Variants in ABCC9 observed in about 807,000 individuals in gnomAD.
ABCC9 encodes the protein ATP binding cassette subfamily C member 9.
A neutral mutation model predicts 188.3 loss-of-function variants in ABCC9; 95 were observed. That is an observed-to-expected ratio of 0.50 (90% CI 0.43 to 0.60). The LOEUF (loss-of-function observed/expected upper bound fraction) is 0.60, where lower values mean the gene tolerates loss of function less well. Among genes scored for constraint, ABCC9 ranks in the 20% least tolerant of loss-of-function variants. The pLI, the probability that ABCC9 is intolerant of heterozygous loss-of-function variation, is 0.00. For synonymous variants in ABCC9, 659 were observed against 652.7 expected, an observed-to-expected ratio of 1.01 and a Z score of -0.15; for missense variants, 1,102 against 1,876.3, an observed-to-expected ratio of 0.59 and a Z score of 7.62.
chr12:21,880,427 T>C (rs1946565921), intron 16 of ABCC9, among the ~76,000 whole-genome samples: 1 of 152,072 alleles, frequency 6.6e-6, no homozygotes, highest in African/African-American at 2.4e-5. Context: ...TTCTGTTCAA[T>C]GAAAGATATC....
intron 22 of ABCC9, among the ~76,000 whole-genome samples, chr12:21,853,396 A>G (rs926405972): frequency 6.6e-6 from 1 of 152,170 alleles, no homozygotes; most frequent in Non-Finnish European, 1.5e-5. Flanking sequence ...TATTTTCAGA[A>G]TTAAATGAGT....
At position 21,801,123 on chromosome 12, in the gene ABCC9, A is replaced by C. The variant is rs755718495; in HGVS notation, c.4571T>G (p.Ile1524Ser). 1 of 1,614,042 alleles carries C rather than the reference A, an allele frequency of 6.2e-7. No homozygotes were observed. The highest frequency in any genetic ancestry group is 8.5e-7 in the Non-Finnish European group (1 of 1,179,924). Residue 1524 changes from isoleucine (I) to serine (S), a missense_variant, in exon 40 of 40, where the codon ATT becomes AGT. Physicochemically the swap from Ile to Ser is moderately radical, Grantham distance 142. Around this residue, in one of 12 missense-constraint regions of ABCC9, gnomAD observed 30 missense variants for 34.3 expected, o/e 0.87. Transcript: ENST00000261200. ...DLVIVMKRGN[I>S]LEYDTPESLL... ...GCTTTCTGGAGTGTCATATTCTAAA[A>C]TATTTCCTCGCTTCATCACAATAAC...
In ABCC9 at chr12:21,880,718, A is replaced by AT. The variant is rs558718558; in HGVS notation, c.2019+2047dup. 2.6e-3 allele frequency among the ~76,000 whole-genome samples: 402 copies of AT among 152,192 alleles called. 2 individuals are homozygous for AT. Among genetic ancestry groups the AT allele is most frequent in the African/African-American group, 8.9e-3 (368 of 41,536 alleles). On this transcript the variant is annotated intron_variant, in intron 16 of 39. Transcript: ENST00000261200. ...AACACGTGGCAAAAAAATGAGAAGCATTTTTTTGGTGAAGATGTAGAGCAA... is the reference window on the plus strand; with the variant it reads ...AACACGTGGCAAAAAAATGAGAAGCATTTTTTTTGGTGAAGATGTAGAGCAA...
intron 5 of ABCC9, among the ~76,000 whole-genome samples, chr12:21,919,122 C>A (rs1398267731): frequency 6.6e-6 from 1 of 151,696 alleles, no homozygotes; most frequent in East Asian, 1.9e-4. Context: ...AACTGCATAG[C>A]TACCTTTAAA....
At chr12:21,837,329 A>G (rs760139161) in intron 30 of ABCC9, among the ~76,000 whole-genome samples, 7 of 152,206 alleles carry the variant, frequency 4.6e-5, no homozygotes, top group African/African-American at 7.2e-5. Flanking sequence ...TTGTCTCTCT[A>G]TATTCTACTC....
At chr12:21,927,048 C>T (rs949516422) in intron 4 of ABCC9, among the ~76,000 whole-genome samples, 2 of 151,998 alleles carry the variant, frequency 1.3e-5, no homozygotes, top group African/African-American at 4.8e-5. Flanking sequence ...GTATGGTTGA[C>T]AATGGGAACT....
intron 39 of ABCC9, among the ~76,000 whole-genome samples, chr12:21,802,617 G>A (rs1489192998): frequency 2.0e-5 from 3 of 152,040 alleles, no homozygotes; most frequent in Non-Finnish European, 2.9e-5. Flanking sequence ...TTCTCAATTC[G>A]AACTATCAAC....
At chr12:21,845,979 A>G in intron 25 of ABCC9, 147 bp from the exon 26 acceptor site, 1 of 674,770 alleles carries the variant, frequency 1.5e-6, no homozygotes, top group Non-Finnish European at 2.6e-6. Flanking sequence ...AGTAGGGCAA[A>G]CCTTATTTCT....
At chr12:21,923,948 A>G in intron 5 of ABCC9, 8 of 626,526 alleles carry the variant, frequency 1.3e-5, no homozygotes, top group South Asian at 1.1e-4. Flanking sequence ...ATATTGATCT[A>G]TGCTACATTA....
chr12:21,805,451 G>A (rs1430540568), intron 39 of ABCC9: 2 of 756,420 alleles, frequency 2.6e-6, no homozygotes, highest in Non-Finnish European at 4.4e-6. Context: ...AGAAAACTGT[G>A]GACTACTGTA....
chr12:21,845,613 T>G lies in ABCC9; in HGVS notation c.3086A>C (p.Lys1029Thr). 6.2e-7 allele frequency: 1 copy of G among 1,613,310 alleles called. No individual in the cohort carries two copies. Among genetic ancestry groups the G allele is most frequent in the Non-Finnish European group, 8.5e-7 (1 of 1,179,454 alleles). Residue 1029 changes from lysine to threonine, a missense_variant, in exon 26 of 40, where the codon AAA becomes ACA. This residue lies in a region of ABCC9 where 74 missense variants were observed against 132.7 expected (regional missense o/e 0.56). Transcript: ENST00000261200. ...CCGAACCAATTGTACCTGATCAGCTTTTCCAGTATTGTTTATACTGTACTC... is the reference window on the plus strand; with the variant it reads ...CCGAACCAATTGTACCTGATCAGCTGTTCCAGTATTGTTTATACTGTACTC... ...TSEYSINNTG[K>T]ADQTYYVAGF...
intron 13 of ABCC9, 114 bp downstream of exon 13, chr12:21,895,161 G>A (rs1230602692): frequency 4.5e-6 from 4 of 891,594 alleles, no homozygotes; most frequent in Non-Finnish European, 5.5e-6. Context: ...GACTGCCATA[G>A]AGAGAAGTCA....
At chr12:21,801,531 A>G (rs369568948) in intron 39 of ABCC9, among the ~76,000 whole-genome samples, 39 of 152,322 alleles carry the variant, frequency 2.6e-4, no homozygotes, top group South Asian at 2.1e-3. Context: ...GTTATACTTT[A>G]ATGTCAACAA....
At chr12:21,919,716 T>C (rs1176107226) in intron 5 of ABCC9, among the ~76,000 whole-genome samples, 1 of 151,994 alleles carries the variant, frequency 6.6e-6, no homozygotes, top group East Asian at 1.9e-4. Context: ...AAATTAACCT[T>C]ATACAAAGTC....
At chr12:21,885,316 A>C (rs1188689879) in intron 15 of ABCC9, among the ~76,000 whole-genome samples, 1 of 152,192 alleles carries the variant, frequency 6.6e-6, no homozygotes, top group Admixed American at 6.5e-5. Flanking sequence ...ATGACCCTGA[A>C]AGACATCAAG....
At position 21,915,783 on chromosome 12, in the gene ABCC9, A is replaced by C; in HGVS notation, c.701T>G (p.Leu234Arg). The C allele has an allele frequency of 6.2e-7, 1 of 1,613,484 alleles. No individual in the cohort carries two copies. Among genetic ancestry groups the C allele is most frequent in the Non-Finnish European group, 8.5e-7 (1 of 1,179,824 alleles). ...AGGCTTTTTGTGAGCAGATATAATAAGTGTGTTCATCCACCAGTATGTTGC... is the reference window on the plus strand; with the variant it reads ...AGGCTTTTTGTGAGCAGATATAATACGTGTGTTCATCCACCAGTATGTTGC... ...SKATYWWMNT[L>R]IISAHKKPID... Residue 234 changes from leucine (L) to arginine (R), a missense_variant, in exon 7 of 40, where the codon CTT (leucine) becomes CGT (arginine). Coordinates refer to ENST00000261200, the MANE Select transcript of ABCC9 (RefSeq NM_020297.4).
At chr12:21,854,381 A>T (rs934891629) in intron 22 of ABCC9, among the ~76,000 whole-genome samples, 1 of 152,210 alleles carries the variant, frequency 6.6e-6, no homozygotes. Context: ...AAGCATTTTG[A>T]TAGTTAAAGG....
At position 21,845,638 on chromosome 12, in the gene ABCC9, C is replaced by T. The variant is rs749668601; in HGVS notation, c.3061G>A (p.Glu1021Lys). ...TTTCCAGTATTGTTTATACTGTACT[C>T]CGATGTCCATGTGGCCAGCCAATAG... ...IDYWLATWTSEYSINNTGKAD... is the reference protein window; with the variant it reads ...IDYWLATWTSKYSINNTGKAD... The change falls in exon 26 of 40, where the codon GAG becomes AAG. Residue 1021 changes from glutamate (E) to lysine (K), a missense_variant. Coordinates refer to ENST00000261200, the MANE Select transcript of ABCC9 (RefSeq NM_020297.4). The T allele has an allele frequency of 1.6e-5, 26 of 1,613,620 alleles. No individual in the cohort carries two copies. The Admixed American group carries it at 1.7e-4, about 10-fold the overall frequency.
At chr12:21,892,231 C>A (rs995429075) in intron 14 of ABCC9, among the ~76,000 whole-genome samples, 7 of 151,964 alleles carry the variant, frequency 4.6e-5, no homozygotes, top group African/African-American at 1.7e-4. Context: ...GAATTGTATA[C>A]CATGGATTGG....
Sources: gnomAD v4.1 joint callset for allele counts (sites outside exome capture counted in the v4.1 genomes callset) on GRCh38, gnomAD v4.1.1 for gene constraint, gnomAD v4.1.1 regional missense constraint, MANE v1.5 for transcripts, NCBI Gene and HGNC (gene_info 2026-07-23, HGNC 2026-07-21) for gene names.